The following RNF125 variants were observed in gnomAD, a reference collection of about 807,000 sequenced individuals.
The protein encoded by RNF125 is ring finger protein 125.
In RNF125, 21 loss-of-function variants were observed where a neutral mutation model predicts 26.0. The ratio of observed to expected loss-of-function variants is 0.81; its 90% confidence interval spans 0.57 to 1.16. RNF125 has a LOEUF of 1.16. RNF125 is among the 50% of genes most tolerant of loss of function. The pLI is 0.00. For synonymous variants in RNF125, 95 were observed against 109.2 expected (o/e 0.87, Z 0.81); for missense variants, 270 against 299.4 (o/e 0.90, Z 0.72).
chr18:32,058,074 G>A (rs2039402166), intron 4 of RNF125, among the ~76,000 whole-genome samples: 1 of 147,758 alleles, frequency 6.8e-6, no homozygotes, highest in African/African-American at 2.5e-5. Flanking sequence ...TGTGGTTACA[G>A]TGAGCCATGA....
chr18:32,053,823 G>C (rs2039352538), intron 4 of RNF125, among the ~76,000 whole-genome samples: 1 of 151,926 alleles, frequency 6.6e-6, no homozygotes, highest in African/African-American at 2.4e-5. Flanking sequence ...TGATCTGTCA[G>C]TAATATTGCC....
At chr18:32,068,206 C>G (rs1413143018) in intron 5 of RNF125, 92 bp from the exon 6 acceptor site, 3 of 677,620 alleles carry the variant, frequency 4.4e-6, no homozygotes, top group African/African-American at 3.6e-5. Flanking sequence ...CTTTAGTTCC[C>G]TACAAAATGA....
At chr18:32,045,136 A>G (rs1487493546) in intron 3 of RNF125, among the ~76,000 whole-genome samples, 1 of 150,316 alleles carries the variant, frequency 6.7e-6, no homozygotes, top group Non-Finnish European at 1.5e-5. Context: ...AAAAATAGAA[A>G]GAAAGACAGA....
chr18:32,045,344 A>G (rs971799896), intron 3 of RNF125, among the ~76,000 whole-genome samples: 1 of 151,820 alleles, frequency 6.6e-6, no homozygotes, highest in Non-Finnish European at 1.5e-5. Context: ...GGATCACCTT[A>G]AGTCAGGAGT....
At chr18:32,075,807 C>A, downstream of RNF125, 1 of 606,270 alleles carries the variant, frequency 1.6e-6, no homozygotes, top group East Asian at 3.0e-5. Context: ...CTCCCAGGGC[C>A]TCCATTGTTT....
At chr18:32,076,739 C>T (rs2039573309), downstream of RNF125, among the ~76,000 whole-genome samples, 1 of 152,164 alleles carries the variant, frequency 6.6e-6, no homozygotes, top group South Asian at 2.1e-4. Context: ...TATACTTCGG[C>T]CACACTGTTA....
At chr18:32,022,752 T>C (rs868830395) in intron 1 of RNF125, among the ~76,000 whole-genome samples, 2 of 152,284 alleles carry the variant, frequency 1.3e-5, no homozygotes, top group Middle Eastern at 3.4e-3. Flanking sequence ...CAGTTAATAA[T>C]TTCCTAGGTA....
chr18:32,056,002 A>G (rs973200781), intron 4 of RNF125, among the ~76,000 whole-genome samples: 2 of 132,868 alleles, frequency 1.5e-5, no homozygotes, highest in Non-Finnish European at 3.3e-5. Context: ...AAAAAAAAAA[A>G]GAACATTTAA....
the RNF125 span, among the ~76,000 whole-genome samples, chr18:32,081,414 T>A: frequency 6.6e-6 from 1 of 152,184 alleles, no homozygotes; most frequent in Admixed American, 6.5e-5. Flanking sequence ...AGTATTTAAA[T>A]ATAGAGACAA....
rs1042217817 is a variant in RNF125, at chr18:32,066,115, C to G, written c.612+106C>G. 4.7e-5 allele frequency: 33 copies of G among 701,724 alleles called. No homozygotes were observed. The Admixed American group carries it at 4.9e-4, about 10-fold the overall frequency. 43.5% of individuals were successfully genotyped at this position (701,724 alleles called of 1,614,324 possible). A position where few individuals can be genotyped will look rare whatever the true frequency, so the allele number is the denominator to read the frequency against. Reference sequence around the variant, plus strand: ...TATAGAGGAAAAAATGTGTATATAGCTATAGTGTTGAGTATTAGCATTAAG... The same window carrying G: ...TATAGAGGAAAAAATGTGTATATAGGTATAGTGTTGAGTATTAGCATTAAG... On this transcript the variant is annotated intron_variant, in intron 5 of 5. Transcript: ENST00000217740.
chr18:32,037,168 C>A lies in RNF125; in HGVS notation c.217C>A (p.Pro73Thr). The A allele has an allele frequency of 6.2e-7, 1 of 1,607,426 alleles. No homozygotes were observed. Among genetic ancestry groups the A allele is most frequent in the Non-Finnish European group, 8.5e-7 (1 of 1,177,672 alleles). Reference sequence around the variant, plus strand: ...TCTAAAGAACAACAAGTGGACCTGTCCTTATTGCCGGGCATATCTTCCTTC... The same window carrying A: ...TCTAAAGAACAACAAGTGGACCTGTACTTATTGCCGGGCATATCTTCCTTC... ...TSLKNNKWTC[P>T]YCRAYLPSEG... Residue 73 changes from proline (P) to threonine (T), a missense_variant, in exon 2 of 6, where the codon CCT becomes ACT. Pro to Thr is a conservative substitution (Grantham distance 38). Coordinates refer to ENST00000217740, the MANE Select transcript of RNF125 (RefSeq NM_017831.4).
At chr18:32,034,969 A>G (rs1342794374) in intron 1 of RNF125, among the ~76,000 whole-genome samples, 1 of 152,032 alleles carries the variant, frequency 6.6e-6, no homozygotes, top group Non-Finnish European at 1.5e-5. Context: ...GAACCAAGGC[A>G]GATATGGAGT....
chr18:32,064,941 A>G (rs557925704), intron 4 of RNF125, among the ~76,000 whole-genome samples: 1 of 152,360 alleles, frequency 6.6e-6, no homozygotes, highest in South Asian at 2.1e-4. Flanking sequence ...AAATATCCAT[A>G]TACAAACAAG....
chr18:32,039,945 A>C (rs972032755), intron 2 of RNF125, among the ~76,000 whole-genome samples: 3 of 151,814 alleles, frequency 2.0e-5, no homozygotes, highest in Non-Finnish European at 4.4e-5. Flanking sequence ...ATGCCCGGCT[A>C]ATTTTTGTAT....
At chr18:32,063,784 C>G (rs971070502) in intron 4 of RNF125, among the ~76,000 whole-genome samples, 2 of 152,040 alleles carry the variant, frequency 1.3e-5, no homozygotes, top group African/African-American at 2.4e-5. Context: ...AGATGGATCT[C>G]AAAGTCATGC....
In RNF125 at chr18:32,033,123, A is replaced by G. The variant is rs1343832120; in HGVS notation, c.165-3993A>G. On this transcript the variant is annotated intron_variant, in intron 1 of 5. Coordinates refer to ENST00000217740, the MANE Select transcript of RNF125 (RefSeq NM_017831.4). ...AGATTGCCTGACATGCTGGTAACCA[A>G]TTATTGGGGGCCAGTCCCCAACAGG... 5.3e-5 allele frequency among the ~76,000 whole-genome samples: 8 copies of G among 152,306 alleles called. No homozygotes were observed. In the East Asian group the frequency reaches 1.4e-3, roughly 26 times the overall value.
intron 4 of RNF125, among the ~76,000 whole-genome samples, chr18:32,061,277 C>G (rs540129030): frequency 4.9e-4 from 74 of 152,212 alleles, no homozygotes; most frequent in African/African-American, 1.6e-3. Flanking sequence ...GCCCACCTTG[C>G]CCTCCCAAAG....
rs948859401 is a variant in RNF125 at position 32,073,003 on chromosome 18, A to C, written c.*4619A>C. On this transcript the variant is annotated 3_prime_UTR_variant, in exon 6 of 6. Transcript: ENST00000217740. ...TTACTCCAGTTATTGAATGTTTATC[A>C]TATCATAATTTGCATTTTTCCAACA... 1 of 138,448 alleles carries C rather than the reference A, an allele frequency of 7.2e-6. No individual in the cohort carries two copies. Among genetic ancestry groups the C allele is most frequent in the Admixed American group, 7.2e-5 (1 of 13,834 alleles). The allele number at this position is 138,448 out of a possible 1,614,324, so 8.6% of individuals were successfully genotyped here.
At chr18:32,054,196 C>T (rs1448308387) in intron 4 of RNF125, among the ~76,000 whole-genome samples, 9 of 147,846 alleles carry the variant, frequency 6.1e-5, no homozygotes, top group East Asian at 2.0e-4. Context: ...TGGGTTCAAA[C>T]GATTCTCCTG....
Sources: gnomAD v4.1 joint callset for allele counts (sites outside exome capture counted in the v4.1 genomes callset) on GRCh38, gnomAD v4.1.1 for gene constraint, MANE v1.5 for transcripts, NCBI Gene and HGNC (gene_info 2026-07-23, HGNC 2026-07-21) for gene names.